NECTIN3: variants seen among roughly 807,000 people sequenced by gnomAD.
NECTIN3 encodes the protein nectin-3.
Under a neutral mutation model 49.4 loss-of-function variants are expected in NECTIN3, and 8 were observed. That is an observed-to-expected ratio of 0.16 (90% CI 0.10 to 0.29). The LOEUF (loss-of-function observed/expected upper bound fraction) is 0.29, where lower values mean the gene tolerates loss of function less well. Among genes scored for constraint, NECTIN3 ranks in the 10% least tolerant of loss-of-function variants. The probability of loss-of-function intolerance (pLI) is 1.00; values close to 1 mark genes in which losing one functional copy is unlikely to be tolerated. For synonymous variants in NECTIN3, 277 were observed against 241.1 expected (o/e 1.15, Z -1.38); for missense variants, 581 against 654.6 (o/e 0.89, Z 1.23).
At chr3:111,100,264 C>A (rs946545436) in intron 1 of NECTIN3, among the ~76,000 whole-genome samples, 2 of 152,058 alleles carry the variant, frequency 1.3e-5, no homozygotes, top group African/African-American at 4.8e-5. Context: ...AGATTTTTGT[C>A]TTTAAAGCGC....
chr3:111,129,792 G>A (rs890100083), intron 5 of NECTIN3, among the ~76,000 whole-genome samples: 1 of 151,634 alleles, frequency 6.6e-6, no homozygotes, highest in Non-Finnish European at 1.5e-5. Context: ...GAGACTACAG[G>A]CACACGCTGC....
intron 5 of NECTIN3, among the ~76,000 whole-genome samples, chr3:111,143,811 C>A (rs1453314141): frequency 6.6e-6 from 1 of 152,024 alleles, no homozygotes; most frequent in Non-Finnish European, 1.5e-5. Flanking sequence ...AACTTTATTT[C>A]TCTCTGTGTT....
chr3:111,089,549 T>C (rs1331561251), intron 1 of NECTIN3, among the ~76,000 whole-genome samples: 1 of 152,150 alleles, frequency 6.6e-6, no homozygotes, highest in Non-Finnish European at 1.5e-5. Context: ...GTGTCGTCTT[T>C]TTGACTCATG....
In NECTIN3 at chr3:111,136,675, GAAA is replaced by G. The variant is rs528825622; in HGVS notation, c.*2466_*2468del. 2.4e-5 allele frequency: 22 copies of G among 909,120 alleles called. No individual in the cohort carries two copies. The African/African-American group carries it at 4.0e-4, about 17-fold the overall frequency. 56.3% of individuals were successfully genotyped at this position (909,120 alleles called of 1,614,324 possible). A position where few individuals can be genotyped will look rare whatever the true frequency, so the allele number is the denominator to read the frequency against. ...GTATATATGAAAATTCTACTATCGT[GAAA>G]AAAAATGAATATTTGTACTATTTTT... On this transcript the variant is annotated 3_prime_UTR_variant, in exon 6 of 6. Coordinates refer to ENST00000485303, the MANE Select transcript of NECTIN3 (RefSeq NM_015480.3).
chr3:111,157,605 T>C (rs2035123595), intron 7 of NECTIN3, among the ~76,000 whole-genome samples: 1 of 152,106 alleles, frequency 6.6e-6, no homozygotes, highest in Non-Finnish European at 1.5e-5. Context: ...GAATACTCAG[T>C]GTAAAGATGA....
chr3:111,101,470 G>A (rs763277104), intron 1 of NECTIN3, among the ~76,000 whole-genome samples: 3 of 152,062 alleles, frequency 2.0e-5, no homozygotes, highest in African/African-American at 4.8e-5. Context: ...TATTGGTTAC[G>A]TGTAAGTTAT....
Position 111,112,189 on chromosome 3 carries a change from C to A in NECTIN3, c.320C>A (p.Pro107His). The change falls in exon 2 of 6, where the codon CCC becomes CAC. Residue 107 changes from proline to histidine, a missense_variant. Transcript: ENST00000485303. Reference protein sequence around the residue: ...KSSQTVAVHHPQYGFSVQGEY... With the variant: ...KSSQTVAVHHHQYGFSVQGEY... ...TCACAGACTGTTGCAGTTCACCATCCCCAATATGGATTCTCTGTTCAAGGA... is the reference window on the plus strand; with the variant it reads ...TCACAGACTGTTGCAGTTCACCATCACCAATATGGATTCTCTGTTCAAGGA... The A allele has an allele frequency of 6.2e-7, 1 of 1,613,762 alleles. No homozygotes were observed. The highest frequency in any genetic ancestry group is 8.5e-7 in the Non-Finnish European group (1 of 1,179,868).
intron 1 of NECTIN3, among the ~76,000 whole-genome samples, chr3:111,101,880 C>T (rs1433916281): frequency 6.6e-6 from 1 of 152,134 alleles, no homozygotes; most frequent in Non-Finnish European, 1.5e-5. Context: ...GCCTTCGTTT[C>T]CAGCCTTATT....
At chr3:111,092,041 T>C (rs2032301808) in intron 1 of NECTIN3, among the ~76,000 whole-genome samples, 1 of 152,250 alleles carries the variant, frequency 6.6e-6, no homozygotes, top group African/African-American at 2.4e-5. Context: ...TGATGGCTGA[T>C]GATGTTGAGC....
intron 7 of NECTIN3, among the ~76,000 whole-genome samples, chr3:111,178,965 G>A (rs2035580559): frequency 6.6e-6 from 1 of 152,162 alleles, no homozygotes; most frequent in Non-Finnish European, 1.5e-5. Flanking sequence ...TATAACCAAA[G>A]CATCTTAAAC....
At chr3:111,117,156 T>A (rs1265435831) in intron 2 of NECTIN3, among the ~76,000 whole-genome samples, 1 of 151,992 alleles carries the variant, frequency 6.6e-6, no homozygotes, top group East Asian at 1.9e-4. Context: ...AAAAAATGAA[T>A]TCCAAAAACA....
chr3:111,113,641 T>G (rs1389037335), intron 2 of NECTIN3, among the ~76,000 whole-genome samples: 2 of 152,158 alleles, frequency 1.3e-5, no homozygotes, highest in African/African-American at 2.4e-5. Flanking sequence ...ATTTTCTGAT[T>G]AGAAGGCAAG....
chr3:111,180,448 G>A (rs968237057), intron 7 of NECTIN3, among the ~76,000 whole-genome samples: 1 of 152,158 alleles, frequency 6.6e-6, no homozygotes, highest in Non-Finnish European at 1.5e-5. Flanking sequence ...CCTAATTAAC[G>A]TTGTTGTAAA....
At chr3:111,090,706 C>T (rs569868637) in intron 1 of NECTIN3, among the ~76,000 whole-genome samples, 1 of 150,182 alleles carries the variant, frequency 6.7e-6, no homozygotes, top group African/African-American at 2.4e-5. Context: ...TAAAGTTTTC[C>T]ATCTGGAATT....
intron 1 of NECTIN3, chr3:111,072,947 C>T (rs1311804953): frequency 6.0e-6 from 1 of 166,234 alleles, no homozygotes; most frequent in East Asian, 1.9e-4. Flanking sequence ...TTACTGTTTT[C>T]CTGTCATATT....
chr3:111,118,614 C>G, intron 2 of NECTIN3, 42 bp from the exon 3 acceptor site: 1 of 1,445,296 alleles, frequency 6.9e-7, no homozygotes, highest in Non-Finnish European at 9.2e-7. Flanking sequence ...TAAACATATT[C>G]TTGTTTGAAT....
At chr3:111,188,769 T>C (rs2035764269), upstream of NECTIN3, among the ~76,000 whole-genome samples, 1 of 152,332 alleles carries the variant, frequency 6.6e-6, no homozygotes, top group Admixed American at 6.5e-5. Context: ...CCACATTTAA[T>C]AGGTGATGAT....
At chr3:111,140,118 CAAAAACAAATAGATTCAAATG>C (rs1352954221), downstream of NECTIN3, among the ~76,000 whole-genome samples, 11 of 151,830 alleles carry the variant, frequency 7.2e-5, 1 homozygote, top group Non-Finnish European at 2.9e-5. Flanking sequence ...TGCCACCTCT[CAAAAACAAATAGATTCAAATG>C]GAAGAAGTAG....
At chr3:111,145,232 A>G (rs995665153) in intron 6 of NECTIN3, among the ~76,000 whole-genome samples, 3 of 152,172 alleles carry the variant, frequency 2.0e-5, no homozygotes, top group African/African-American at 7.2e-5. Flanking sequence ...AGGGGCTGCT[A>G]GAGGTATAGA....
Sources: gnomAD v4.1 joint callset for allele counts (sites outside exome capture counted in the v4.1 genomes callset) on GRCh38, gnomAD v4.1.1 for gene constraint, MANE v1.5 for transcripts, NCBI Gene and HGNC (gene_info 2026-07-23, HGNC 2026-07-21) for gene names.